ALX1: variants seen among roughly 807,000 people sequenced by gnomAD.
ALX1 encodes the protein ALX homeobox 1.
A neutral mutation model predicts 31.7 loss-of-function variants in ALX1; 19 were observed. The ratio of observed to expected loss-of-function variants is 0.60; its 90% confidence interval spans 0.42 to 0.88. ALX1 has a LOEUF of 0.88. Ranked by LOEUF, ALX1 falls within the 40% of genes least tolerant of loss-of-function variation. The probability of loss-of-function intolerance (pLI) is 0.00; values close to 1 mark genes in which losing one functional copy is unlikely to be tolerated. For missense variants in ALX1, 415 were observed against 407.8 expected (o/e 1.02, Z -0.15); for synonymous variants, 153 against 148.8 (o/e 1.03, Z -0.20).
intron 3 of ALX1, among the ~76,000 whole-genome samples, chr12:85,290,712 T>G (rs925930991): frequency 1.3e-5 from 2 of 151,244 alleles, no homozygotes; most frequent in African/African-American, 4.8e-5. Context: ...ATTAATCTAT[T>G]TATTTTTCCT....
chr12:85,298,627 A>G (rs903134520), intron 3 of ALX1, among the ~76,000 whole-genome samples: 2 of 151,738 alleles, frequency 1.3e-5, no homozygotes, highest in Non-Finnish European at 3.0e-5. Context: ...AAAACAAGAT[A>G]GATCAGTAAA....
intron 3 of ALX1, among the ~76,000 whole-genome samples, chr12:85,294,869 GAC>G (rs1305201881): frequency 4.0e-5 from 6 of 150,694 alleles, no homozygotes; most frequent in African/African-American, 1.5e-4. Context: ...AAATAAAAGT[GAC>G]AGTATTTAGT....
At chr12:85,296,535 G>T (rs769588427) in intron 3 of ALX1, among the ~76,000 whole-genome samples, 2 of 151,514 alleles carry the variant, frequency 1.3e-5, no homozygotes, top group African/African-American at 2.4e-5. Context: ...CAGTAAATCC[G>T]CTGTACTTCC....
rs1348282997 is a variant in ALX1, at chr12:85,297,780, G to A, written c.661-3375G>A. ...GTCTCCAAGGATATGTATCTGTTGT[G>A]GAGAATCAGTGTTTAATAATAAAAA... On this transcript the variant is annotated intron_variant, in intron 3 of 3. Transcript: ENST00000316824. 4.0e-5 allele frequency among the ~76,000 whole-genome samples: 6 copies of A among 151,656 alleles called. No individual in the cohort carries two copies. The Middle Eastern group carries it at 0.01, about 258-fold the overall frequency.
intron 3 of ALX1, among the ~76,000 whole-genome samples, chr12:85,297,769 G>C (rs1271399627): frequency 6.6e-6 from 1 of 151,628 alleles, no homozygotes; most frequent in Non-Finnish European, 1.5e-5. Flanking sequence ...CCAAGGATAT[G>C]TATCTGTTGT....
intron 3 of ALX1, among the ~76,000 whole-genome samples, chr12:85,290,790 C>T (rs997223410): frequency 4.0e-5 from 6 of 150,950 alleles, no homozygotes; most frequent in African/African-American, 1.2e-4. Flanking sequence ...TCTTGAATTT[C>T]CCTCCCTCAC....
At chr12:85,291,665 A>G (rs906578747) in intron 3 of ALX1, among the ~76,000 whole-genome samples, 3 of 151,062 alleles carry the variant, frequency 2.0e-5, no homozygotes, top group Non-Finnish European at 3.0e-5. Context: ...CTTTGACTTG[A>G]TCTTCAGATT....
Position 85,280,500 on chromosome 12 carries a change from C to A in ALX1, c.226+13C>A, listed in dbSNP as rs1369589496. ...CAGGACAGCAGCGGTGAGTCGCTAG[C>A]GCCCCAGCCGGAGCCGCCGCAGCCC... On this transcript the variant is annotated intron_variant, in intron 1 of 3. Transcript: ENST00000316824. The A allele has an allele frequency of 1.2e-6, 2 of 1,607,726 alleles. No individual in the cohort carries two copies. Among genetic ancestry groups the A allele is most frequent in the Admixed American group, 1.7e-5 (1 of 59,878 alleles).
intron 3 of ALX1, among the ~76,000 whole-genome samples, chr12:85,287,453 GT>G (rs1236366598): frequency 4.4e-4 from 60 of 137,488 alleles, no homozygotes; most frequent in Middle Eastern, 4.0e-3. Flanking sequence ...CTTTTTCTAT[GT>G]TTTTTTTTTT....
intron 3 of ALX1, 100 bp downstream of exon 3, chr12:85,287,081 C>T: frequency 1.5e-6 from 2 of 1,339,896 alleles, no homozygotes; most frequent in South Asian, 1.4e-5. Flanking sequence ...AGATAATAGC[C>T]AAGAATGAAA....
At chr12:85,292,562 G>A (rs1411929678) in intron 3 of ALX1, among the ~76,000 whole-genome samples, 3 of 151,052 alleles carry the variant, frequency 2.0e-5, no homozygotes, top group African/African-American at 7.3e-5. Flanking sequence ...CAAGTTATAG[G>A]TAATTTGTGG....
At chr12:85,280,747 C>A (rs1896660385) in intron 1 of ALX1, among the ~76,000 whole-genome samples, 1 of 152,080 alleles carries the variant, frequency 6.6e-6, no homozygotes, top group Non-Finnish European at 1.5e-5. Context: ...AGGGTCTGGT[C>A]GCCTACGGAT....
intron 1 of ALX1, among the ~76,000 whole-genome samples, chr12:85,283,016 A>G (rs1896698709): frequency 6.6e-6 from 1 of 152,250 alleles, no homozygotes; most frequent in African/African-American, 2.4e-5. Context: ...AAATGCAGAC[A>G]TGGATATAAA....
intron 1 of ALX1, 149 bp from the exon 2 acceptor site, chr12:85,283,423 G>T: frequency 2.5e-6 from 2 of 800,386 alleles, no homozygotes; most frequent in South Asian, 3.3e-5. Context: ...AATGAATTAA[G>T]TATAGAAATG....
intron 1 of ALX1, among the ~76,000 whole-genome samples, chr12:85,280,778 T>C (rs115137737): frequency 1.6e-3 from 239 of 152,204 alleles, no homozygotes; most frequent in African/African-American, 5.5e-3. Flanking sequence ...TTCTGTAATA[T>C]TGGTTCCTGG....
intron 1 of ALX1, among the ~76,000 whole-genome samples, chr12:85,281,857 A>T (rs1339641783): frequency 3.3e-5 from 5 of 152,162 alleles, no homozygotes; most frequent in Non-Finnish European, 7.4e-5. Context: ...TCTTTCTTTA[A>T]TGATTCTGCA....
In ALX1 at chr12:85,301,286, G is replaced by C; in HGVS notation, c.792G>C (p.Gly264=). The C allele has an allele frequency of 6.2e-7, 1 of 1,613,968 alleles. No homozygotes were observed. Among genetic ancestry groups the C allele is most frequent in the Non-Finnish European group, 8.5e-7 (1 of 1,179,956 alleles). ...CTCGGACAGATTCCAGTTACACGGGGTTTTCAAACCACCAGAACCAGTTCA... is the reference window on the plus strand; with the variant it reads ...CTCGGACAGATTCCAGTTACACGGGCTTTTCAAACCACCAGAACCAGTTCA... ...HSPRTDSSYT[G]FSNHQNQFSH... is the part of the protein sequence containing the mutation. The change falls in exon 4 of 4, where the codon GGG becomes GGC. Residue 264 remains glycine (G), a synonymous_variant. Transcript: ENST00000316824.
intron 3 of ALX1, among the ~76,000 whole-genome samples, chr12:85,298,110 C>T (rs1035477673): frequency 1.3e-5 from 2 of 151,562 alleles, no homozygotes; most frequent in Non-Finnish European, 3.0e-5. Context: ...TATGAACCTA[C>T]ACAAAGTAGG....
rs1246442071 is a variant in ALX1, at chr12:85,301,456, A to G, written c.962A>G (p.Asn321Ser). Residue 321 changes from asparagine (N) to serine (S), a missense_variant, in exon 4 of 4, where the codon AAT (asparagine) becomes AGT (serine). Around this residue, in one of 3 missense-constraint regions of ALX1, gnomAD observed 174 missense variants for 177.5 expected, o/e 0.98. Transcript: ENST00000316824. The part of the protein sequence containing the change: ...LRMKAKEHTA[N>S]ISWAM ...ATGAAAGCCAAGGAGCACACCGCCAATATTTCATGGGCCATGTAACATACA... is the reference window on the plus strand; with the variant it reads ...ATGAAAGCCAAGGAGCACACCGCCAGTATTTCATGGGCCATGTAACATACA... 1 of 1,614,046 alleles carries G rather than the reference A, an allele frequency of 6.2e-7. No individual in the cohort carries two copies. Among genetic ancestry groups the G allele is most frequent in the East Asian group, 2.2e-5 (1 of 44,878 alleles).
Sources: allele counts gnomAD v4.1 joint callset (sites outside exome capture counted in the v4.1 genomes callset), GRCh38; gene constraint gnomAD v4.1.1; regional missense constraint gnomAD v4.1.1; transcripts MANE v1.5; gene names NCBI Gene and HGNC (gene_info 2026-07-23, HGNC 2026-07-21).